Variants in PRR5L observed in about 807,000 individuals in gnomAD.
The protein encoded by PRR5L is proline rich 5 like.
In PRR5L, 21 loss-of-function variants were observed where a neutral mutation model predicts 36.4. That is an observed-to-expected ratio of 0.58 (90% CI 0.41 to 0.83). The LOEUF is 0.83. Among genes scored for constraint, PRR5L ranks in the 40% least tolerant of loss-of-function variants. PRR5L has a pLI of 0.00. For missense variants in PRR5L, 381 were observed against 473.3 expected, an observed-to-expected ratio of 0.80 and a Z score of 1.81; for synonymous variants, 188 against 197.0, an observed-to-expected ratio of 0.95 and a Z score of 0.38.
At chr11:36,365,946 G>A (rs1442236177) in intron 1 of PRR5L, among the ~76,000 whole-genome samples, 5 of 152,170 alleles carry the variant, frequency 3.3e-5, no homozygotes, top group Admixed American at 6.5e-5. Flanking sequence ...GTGCTGCTAG[G>A]GGACAGGGCA....
At chr11:36,335,395 C>T (rs1856759001) in intron 1 of PRR5L, among the ~76,000 whole-genome samples, 1 of 102,450 alleles carries the variant, frequency 9.8e-6, no homozygotes, top group Non-Finnish European at 2.0e-5. Flanking sequence ...ATATTGTCTG[C>T]TTGGGTGGCA....
rs895607444 is a variant in PRR5L, at chr11:36,463,789, A to G, written c.*1053A>G. Reference sequence around the variant, plus strand: ...CAGGATAAAGAGATCCATGGTGGGCAGGGCTGTTAGGTCACAGAGCTCTAG... The same window carrying G: ...CAGGATAAAGAGATCCATGGTGGGCGGGGCTGTTAGGTCACAGAGCTCTAG... On this transcript the variant is annotated 3_prime_UTR_variant, in exon 9 of 9. Transcript: ENST00000530639. 1 of 152,404 alleles carries G rather than the reference A, an allele frequency of 6.6e-6. No individual in the cohort carries two copies. The highest frequency in any genetic ancestry group is 1.5e-5 in the Non-Finnish European group (1 of 68,052). 9.4% of individuals were successfully genotyped at this position (152,404 alleles called of 1,614,324 possible). A position where few individuals can be genotyped will look rare whatever the true frequency, so the allele number is the denominator to read the frequency against.
intron 1 of PRR5L, among the ~76,000 whole-genome samples, chr11:36,360,292 A>T (rs1338154085): frequency 6.6e-6 from 1 of 152,116 alleles, no homozygotes; most frequent in Non-Finnish European, 1.5e-5. Flanking sequence ...ATCAAATGGG[A>T]TATCTATGTG....
intron 1 of PRR5L, among the ~76,000 whole-genome samples, chr11:36,368,421 A>G (rs1432788012): frequency 5.3e-5 from 8 of 152,192 alleles, no homozygotes; most frequent in African/African-American, 1.9e-4. Flanking sequence ...GTGGGAGAGA[A>G]AATACCATCA....
At chr11:36,397,073 T>C (rs896011846) in intron 1 of PRR5L, among the ~76,000 whole-genome samples, 15 of 149,764 alleles carry the variant, frequency 1.0e-4, no homozygotes, top group African/African-American at 1.7e-4. Context: ...TTTTCTTTTT[T>C]TTTTTTTTTT....
In PRR5L at chr11:36,350,954, A is replaced by ATT. The variant is rs1565406465; in HGVS notation, c.-125-50042_-125-50041insTT. ...TTTATATATTTATATATATATATTT[A>ATT]TATATATTTATATATTTATATATAT... On this transcript the variant is annotated intron_variant, in intron 1 of 8. Coordinates refer to ENST00000530639, the MANE Select transcript of PRR5L (RefSeq NM_001160167.2). Among the ~76,000 whole-genome samples, 12 of 13,986 alleles carry ATT rather than the reference A, an allele frequency of 8.6e-4. 1 individual carries two copies. Among genetic ancestry groups the ATT allele is most frequent in the Admixed American group, 2.1e-3 (2 of 972 alleles). The allele number at this position is 13,986 out of a possible 152,430, so 9.2% of individuals were successfully genotyped here.
chr11:36,331,264 T>C (rs1590448808), intron 1 of PRR5L, among the ~76,000 whole-genome samples: 1 of 152,236 alleles, frequency 6.6e-6, no homozygotes, highest in East Asian at 1.9e-4. Flanking sequence ...TTGTTTAACA[T>C]CTCTCTTTTT....
chr11:36,365,633 A>G (rs1450433553), intron 1 of PRR5L, among the ~76,000 whole-genome samples: 1 of 152,222 alleles, frequency 6.6e-6, no homozygotes, highest in Non-Finnish European at 1.5e-5. Context: ...GCAACATTTC[A>G]TGGTATTATC....
chr11:36,446,760 G>A (rs533609989), intron 7 of PRR5L, among the ~76,000 whole-genome samples: 3 of 152,238 alleles, frequency 2.0e-5, no homozygotes, highest in East Asian at 1.9e-4. Flanking sequence ...GCAAGTCACA[G>A]CAAAGAATAC....
chr11:36,397,390 A>G (rs868393800), intron 1 of PRR5L, among the ~76,000 whole-genome samples: 2 of 142,846 alleles, frequency 1.4e-5, no homozygotes, highest in Middle Eastern at 3.6e-3. Flanking sequence ...AGGGTTGAGT[A>G]AGTTTATGTA....
rs1565407987 is a variant in PRR5L at position 36,351,457 on chromosome 11, T to TATGTA, written c.-125-49540_-125-49539insATGTA. 1.0e-3 allele frequency among the ~76,000 whole-genome samples: 49 copies of TATGTA among 47,186 alleles called. 6 individuals are homozygous for TATGTA. The highest frequency in any genetic ancestry group is 3.7e-3 in the Admixed American group (10 of 2,692). 31.0% of individuals were successfully genotyped at this position (47,186 alleles called of 152,430 possible). On this transcript the variant is annotated intron_variant, in intron 1 of 8. Transcript: ENST00000530639. ...TATATATACATATATATTTATATAT[T>TATGTA]TATATATTTATATATACATATATAT...
intron 3 of PRR5L, among the ~76,000 whole-genome samples, chr11:36,412,430 T>C (rs916420401): frequency 7.2e-5 from 11 of 152,204 alleles, no homozygotes; most frequent in African/African-American, 2.7e-4. Flanking sequence ...TGATTGTTTG[T>C]TCTAACAAGT....
rs370922452 is a variant in PRR5L, at chr11:36,384,836, CTT to C, written c.-125-16145_-125-16144del. Among the ~76,000 whole-genome samples the C allele has an allele frequency of 1.7e-3, 230 of 133,440 alleles. 1 individual carries two copies. The highest frequency in any genetic ancestry group is 4.6e-3 in the African/African-American group (166 of 36,246). The allele number at this position is 133,440 out of a possible 152,430, so 87.5% of individuals were successfully genotyped here. On this transcript the variant is annotated intron_variant, in intron 1 of 8. Transcript: ENST00000530639. ...TACAGGCATGTACCACCATGCCTGG[CTT>C]TTTTTTTTTTTTTTTAGAGTTGGGA...
At chr11:36,458,152 G>T (rs138377610) in intron 8 of PRR5L, among the ~76,000 whole-genome samples, 8 of 152,180 alleles carry the variant, frequency 5.3e-5, no homozygotes, top group African/African-American at 1.7e-4. Context: ...AAAGAGGGGC[G>T]CCAGTGTCAG....
chr11:36,462,166 T>C (rs2133641825), intron 8 of PRR5L, among the ~76,000 whole-genome samples, 176 bp from the exon 9 acceptor site: 1 of 152,268 alleles, frequency 6.6e-6, no homozygotes, highest in Non-Finnish European at 1.5e-5. Context: ...ACAGGTAAAG[T>C]TGCAAGAGAA....
At position 36,351,298 on chromosome 11, in the gene PRR5L, A is replaced by ATATATATTTATATATATTTATAAATATT. The variant is rs1565407355; in HGVS notation, c.-125-49692_-125-49691insTTATATATATTTATAAATATTTATATAT. On this transcript the variant is annotated intron_variant, in intron 1 of 8. Coordinates refer to ENST00000530639, the MANE Select transcript of PRR5L (RefSeq NM_001160167.2). Reference sequence around the variant, plus strand: ...TATATATATGTATATTTATATATTTATATATATATTTATATATATTTATAA... The same window carrying ATATATATTTATATATATTTATAAATATT: ...TATATATATGTATATTTATATATTTATATATATTTATATATATTTATAAATATTTATATATATTTATATATATTTATAA... Among the ~76,000 whole-genome samples, 41 of 5,410 alleles carry ATATATATTTATATATATTTATAAATATT rather than the reference A, an allele frequency of 7.6e-3. 1 individual carries two copies. Among genetic ancestry groups the ATATATATTTATATATATTTATAAATATT allele is most frequent in the African/African-American group, 0.016 (25 of 1,544 alleles). 3.5% of individuals were successfully genotyped at this position (5,410 alleles called of 152,430 possible). A position where few individuals can be genotyped will look rare whatever the true frequency, so the allele number is the denominator to read the frequency against.
intron 3 of PRR5L, among the ~76,000 whole-genome samples, chr11:36,412,127 ACAACAG>A (rs1283552683): frequency 6.6e-6 from 1 of 152,198 alleles, no homozygotes; most frequent in East Asian, 1.9e-4. Flanking sequence ...GTCATTGCTA[ACAACAG>A]CTACTAAGTG....
At chr11:36,315,647 T>G (rs1452618677) in intron 1 of PRR5L, among the ~76,000 whole-genome samples, 2 of 152,222 alleles carry the variant, frequency 1.3e-5, no homozygotes, top group Non-Finnish European at 2.9e-5. Context: ...TGACCAGTGT[T>G]CCCTTTGATT....
At chr11:36,427,896 G>A (rs1428152978) in intron 4 of PRR5L, among the ~76,000 whole-genome samples, 1 of 152,212 alleles carries the variant, frequency 6.6e-6, no homozygotes, top group Admixed American at 6.5e-5. Context: ...CCACTGGCCT[G>A]CCACTGCAGC....
Sources: gnomAD v4.1 joint callset for allele counts (sites outside exome capture counted in the v4.1 genomes callset) on GRCh38, gnomAD v4.1.1 for gene constraint, MANE v1.5 for transcripts, NCBI Gene and HGNC (gene_info 2026-07-23, HGNC 2026-07-21) for gene names.